LCT: variants seen among roughly 807,000 people sequenced by gnomAD.
LCT encodes lactase/phlorizin hydrolase.
In LCT, 90 loss-of-function variants were observed where a neutral mutation model predicts 173.0. That is an observed-to-expected ratio of 0.52 (90% CI 0.44 to 0.62). The LOEUF (loss-of-function observed/expected upper bound fraction) is 0.62, where lower values mean the gene tolerates loss of function less well. Among genes scored for constraint, LCT ranks in the 20% least tolerant of loss-of-function variants. LCT has a pLI of 0.00. For missense variants in LCT, 1,864 were observed against 2,431.4 expected (o/e 0.77, Z 4.91); for synonymous variants, 853 against 957.6 (o/e 0.89, Z 2.02).
intron 2 of LCT, 105 bp downstream of exon 2, chr2:135,833,006 A>C (rs899115468): frequency 5.4e-5 from 47 of 864,858 alleles, no homozygotes; most frequent in Non-Finnish European, 7.4e-5. Flanking sequence ...ATTCTGAGGC[A>C]TTTACAGAAA....
intron 6 of LCT, among the ~76,000 whole-genome samples, chr2:135,815,045 T>C (rs971590769): frequency 2.0e-5 from 3 of 152,022 alleles, no homozygotes; most frequent in African/African-American, 7.3e-5. Context: ...ACCACCCCTA[T>C]ATGAGGACAG....
rs1379759928 is a variant in LCT, at chr2:135,817,365, A to C, written c.1683T>G (p.Ser561=). 2 of 1,613,960 alleles carry C rather than the reference A, an allele frequency of 1.2e-6. No individual in the cohort carries two copies. Among genetic ancestry groups the C allele is most frequent in the African/African-American group, 2.7e-5 (2 of 74,940 alleles). Residue 561 remains serine (S), a synonymous_variant, in exon 6 of 17, where the codon TCT becomes TCG. Transcript: ENST00000264162. ...YGTGQHPPGI[S]DPGVASFKVA... ...CCTTAAAAGAGGCCACTCCTGGGTC[A>C]GAGATGCCGGGAGGGTGCTGGCCGG... is the stretch of plus-strand genomic sequence containing the variant.
intron 9 of LCT, among the ~76,000 whole-genome samples, 197 bp from the exon 10 acceptor site, chr2:135,805,254 G>A (rs1319788614): frequency 6.6e-6 from 1 of 152,072 alleles, no homozygotes; most frequent in Non-Finnish European, 1.5e-5. Flanking sequence ...GAGCCCAGGA[G>A]TTCAAAACCA....
rs890560946 is a variant in LCT at position 135,807,134 on chromosome 2, T to A, written c.4167A>T (p.Ala1389=). The change falls in exon 9 of 17, where the codon GCA becomes GCT. Residue 1389 remains alanine (A), a synonymous_variant. Coordinates refer to ENST00000264162, the MANE Select transcript of LCT (RefSeq NM_002299.4). ...ACCATCCTGAACTCCTCACCTGATATGCAGCAGAAGCTGCACTCCAGATGA... is the reference window on the plus strand; with the variant it reads ...ACCATCCTGAACTCCTCACCTGATAAGCAGCAGAAGCTGCACTCCAGATGA... ...EGFIWSAASA[A]YQIEGAWRAD... 11 of 1,614,198 alleles carry A rather than the reference T, an allele frequency of 6.8e-6. No individual in the cohort carries two copies. The highest frequency in any genetic ancestry group is 9.3e-6 in the Non-Finnish European group (11 of 1,180,036).
At position 135,809,342 on chromosome 2, in the gene LCT, C is replaced by G; in HGVS notation, c.3005G>C (p.Arg1002Thr). ...GCTTGCCACCAAGCCATTGATCAGC[C>G]TGTTGTAATAATCAACCCCATGACT... ...INSHGVDYYNRLINGLVASNI... is the reference protein window; with the variant it reads ...INSHGVDYYNTLINGLVASNI... Residue 1002 changes from arginine (R) to threonine (T), a missense_variant, in exon 8 of 17, where the codon AGG becomes ACG. Transcript: ENST00000264162. The surrounding 1 kb of genome is among the most constrained non-coding windows in gnomAD (Gnocchi z 5.5). 2 of 1,614,230 alleles carry G rather than the reference C, an allele frequency of 1.2e-6. No individual in the cohort carries two copies. Among genetic ancestry groups the G allele is most frequent in the Non-Finnish European group, 1.7e-6 (2 of 1,180,052 alleles).
rs540802681 is a variant in LCT, at chr2:135,834,514, G to A, written c.641-1324C>T. On this transcript the variant is annotated intron_variant, in intron 1 of 16. Transcript: ENST00000264162. ...TTTATTTTTTTGTTTAAGGCCGGGC[G>A]TGGTGGCTCACGCCTGTAATCCCAG... Among the ~76,000 whole-genome samples the A allele has an allele frequency of 4.8e-5, 7 of 147,344 alleles. No individual in the cohort carries two copies. In the East Asian group the frequency reaches 8.5e-4, roughly 18 times the overall value.
At chr2:135,797,718 C>T (rs1258122682) in intron 13 of LCT, among the ~76,000 whole-genome samples, 1 of 152,148 alleles carries the variant, frequency 6.6e-6, no homozygotes, top group Non-Finnish European at 1.5e-5. Flanking sequence ...GCCACTGCCA[C>T]CCACATTCAC....
intron 3 of LCT, among the ~76,000 whole-genome samples, chr2:135,825,756 G>A (rs2077884229): frequency 2.0e-5 from 3 of 152,228 alleles, no homozygotes; most frequent in Admixed American, 2.0e-4. Context: ...GGCTGTGCAG[G>A]TGCTCCGGGG....
intron 14 of LCT, 151 bp downstream of exon 14, chr2:135,794,490 G>A: frequency 1.3e-6 from 1 of 793,878 alleles, no homozygotes; most frequent in Middle Eastern, 3.6e-4. Context: ...GATTTCCTTG[G>A]GATCTGTGGG....
Position 135,808,681 on chromosome 2 carries a change from G to A in LCT, c.3666C>T (p.Asn1222=). 6.2e-7 allele frequency: 1 copy of A among 1,614,216 alleles called. No homozygotes were observed. Among genetic ancestry groups the A allele is most frequent in the Non-Finnish European group, 8.5e-7 (1 of 1,180,030 alleles). The change falls in exon 8 of 17, where the codon AAC becomes AAT. Residue 1222 remains asparagine, a synonymous_variant. Coordinates refer to ENST00000264162, the MANE Select transcript of LCT (RefSeq NM_002299.4). ...CCTGGTCGTCTTCGTAGGAGGGTGG[G>A]TTTAGCCTGGGTGTTTTGTGCTGCA... is the stretch of plus-strand genomic sequence containing the variant. The part of the protein sequence containing the change: ...RIVQHKTPRL[N]PPSYEDDQEM...
rs188538854 is a variant in LCT, at chr2:135,836,285, C to T, written c.640+245G>A. On this transcript the variant is annotated intron_variant, in intron 1 of 16. Transcript: ENST00000264162. Reference sequence around the variant, plus strand: ...CCGCCCACCTCGGCCTCCCAAAGTGCTAGGATTACAGGCGTGAGCCTCAAA... The same window carrying T: ...CCGCCCACCTCGGCCTCCCAAAGTGTTAGGATTACAGGCGTGAGCCTCAAA... Among the ~76,000 whole-genome samples, 78 of 152,202 alleles carry T rather than the reference C, an allele frequency of 5.1e-4. 1 individual carries two copies. The East Asian group carries it at 0.012, about 23-fold the overall frequency.
At chr2:135,814,605 C>A (rs1194251757) in intron 6 of LCT, among the ~76,000 whole-genome samples, 1 of 151,878 alleles carries the variant, frequency 6.6e-6, no homozygotes, top group Non-Finnish European at 1.5e-5. Context: ...CAACCTCTAC[C>A]TCCTAGGTTC....
intron 5 of LCT, among the ~76,000 whole-genome samples, chr2:135,819,492 G>A (rs370006840): frequency 3.3e-5 from 5 of 152,114 alleles, no homozygotes; most frequent in African/African-American, 4.8e-5. Flanking sequence ...GTGGAGAGCC[G>A]ATGGCACCTA....
At chr2:135,816,603 C>T (rs527845906) in intron 6 of LCT, among the ~76,000 whole-genome samples, 1 of 152,304 alleles carries the variant, frequency 6.6e-6, no homozygotes, top group East Asian at 1.9e-4. Context: ...TTTTCAACCT[C>T]CTGAATGTGT....
intron 7 of LCT, chr2:135,810,414 T>C (rs1329582950): frequency 1.2e-5 from 2 of 160,880 alleles, no homozygotes; most frequent in African/African-American, 4.8e-5. Context: ...CAAATGTTCA[T>C]CCTTTTTCCT....
intron 9 of LCT, among the ~76,000 whole-genome samples, chr2:135,806,553 G>T (rs187428831): frequency 1.1e-4 from 16 of 150,498 alleles, no homozygotes; most frequent in Admixed American, 5.9e-4. Context: ...TTCATGGTGA[G>T]TACCCTGTCC....
rs768794511 is a variant in LCT, at chr2:135,795,604, C to CTAATAATAATAA, written c.4977-841_4977-830dup. The stretch of plus-strand genomic sequence containing the variant: ...TTAGGCATGCCTCTTTTCTCCAACT[C>CTAATAATAATAA]TAATAATAATAATAATAATAATAAT... On this transcript the variant is annotated intron_variant, in intron 13 of 16. Coordinates refer to ENST00000264162, the MANE Select transcript of LCT (RefSeq NM_002299.4). 4.6e-4 allele frequency among the ~76,000 whole-genome samples: 67 copies of CTAATAATAATAA among 146,072 alleles called. 1 individual carries two copies. The highest frequency in any genetic ancestry group is 1.7e-3 in the East Asian group (8 of 4,720).
chr2:135,826,496 G>A (rs571005456), intron 3 of LCT, among the ~76,000 whole-genome samples: 1 of 152,100 alleles, frequency 6.6e-6, no homozygotes, highest in East Asian at 1.9e-4. Context: ...AACCCCAGAG[G>A]TGCAGGTTGC....
rs538740136 is a variant in LCT at position 135,829,148 on chromosome 2, G to A, written c.804+445C>T. Among the ~76,000 whole-genome samples the A allele has an allele frequency of 2.0e-5, 3 of 151,944 alleles. No individual in the cohort carries two copies. In the East Asian group the frequency reaches 5.8e-4, roughly 29 times the overall value. On this transcript the variant is annotated intron_variant, in intron 3 of 16. Coordinates refer to ENST00000264162, the MANE Select transcript of LCT (RefSeq NM_002299.4). ...GGAGGCTGCAGTGAGCCAAGATCAC[G>A]CCACTGCACCCCAGCCTGGGCAACC...
Sources: allele counts gnomAD v4.1 joint callset (sites outside exome capture counted in the v4.1 genomes callset), GRCh38; gene constraint gnomAD v4.1.1; non-coding constraint Gnocchi (gnomAD v3.1); transcripts MANE v1.5; gene names NCBI Gene and HGNC (gene_info 2026-07-23, HGNC 2026-07-21).